Variants in GPR4 observed in about 807,000 individuals in gnomAD.
GPR4 encodes G-prodeshotein coupled receptor 4.
GPR4 carries 11 observed loss-of-function variants against 17.8 expected under a neutral mutation model. That is an observed-to-expected ratio of 0.62 (90% CI 0.39 to 1.02). GPR4 has a LOEUF of 1.02. Among genes scored for constraint, GPR4 ranks in the 50% least tolerant of loss-of-function variants. The pLI is 0.00. For missense variants in GPR4, 364 were observed against 495.4 expected (o/e 0.73, Z 2.52); for synonymous variants, 219 against 222.8 (o/e 0.98, Z 0.15).
chr19:45,600,078 C>T (rs550923293), intron 1 of GPR4, among the ~76,000 whole-genome samples: 2 of 152,146 alleles, frequency 1.3e-5, no homozygotes, highest in Non-Finnish European at 2.9e-5. Flanking sequence ...ATTCCAGCAG[C>T]CTGATTTCTA....
In GPR4 at chr19:45,591,108, G is replaced by A. The variant is rs1600017195; in HGVS notation, c.759C>T (p.Gly253=). 4 of 1,613,692 alleles carry A rather than the reference G, an allele frequency of 2.5e-6. No individual in the cohort carries two copies. In the Admixed American group the frequency reaches 5.0e-5, roughly 20 times the overall value. ...LLLSRSAIYL[G]RPWDCGFEER... ...CCTCGAAGCCGCAGTCCCAGGGGCG[G>A]CCCAGGTAGATGGCGCTGCGGGACA... Residue 253 remains glycine (G), a synonymous_variant, in exon 2 of 2, where the codon GGC becomes GGT. Coordinates refer to ENST00000323040, the MANE Select transcript of GPR4 (RefSeq NM_005282.3). This position sits in a 1 kb window ranked among gnomAD's most constrained non-coding sequence, Gnocchi z 7.6.
chr19:45,591,176 C>T lies in GPR4; in HGVS notation c.691G>A (p.Ala231Thr). 1 of 1,613,510 alleles carries T rather than the reference C, an allele frequency of 6.2e-7. No individual in the cohort carries two copies. Among genetic ancestry groups the T allele is most frequent in the Admixed American group, 1.7e-5 (1 of 60,026 alleles). Residue 231 changes from alanine (A) to threonine (T), a missense_variant, in exon 2 of 2, where the codon GCC becomes ACC. By Grantham distance (58) the Ala-to-Thr change is moderately conservative. This residue lies in a region of GPR4 where 271 missense variants were observed against 373.1 expected (regional missense o/e 0.73). Transcript: ENST00000323040. The surrounding 1 kb of genome is among the most constrained non-coding windows in gnomAD (Gnocchi z 7.6). The stretch of plus-strand genomic sequence containing the variant: ...GGCGCAAAGCAGACCAGCACGATGG[C>T]GATGAGGCTGAGGGCCAGCCGCTTG... ...KIKRLALSLI[A>T]IVLVCFAPYH...
At chr19:45,596,872 C>T (rs1007545429) in intron 1 of GPR4, among the ~76,000 whole-genome samples, 4 of 152,014 alleles carry the variant, frequency 2.6e-5, no homozygotes, top group African/African-American at 7.3e-5. Context: ...CTGCTTGAAA[C>T]CCTCCAATGG....
chr19:45,590,683 C>A lies in GPR4; in HGVS notation c.*95G>T. ...TCTTGTATTCTTATGAATATTAACA[C>A]AGCCCTTTTTCCATACAATTTGCAT... On this transcript the variant is annotated 3_prime_UTR_variant, in exon 2 of 2. Coordinates refer to ENST00000323040, the MANE Select transcript of GPR4 (RefSeq NM_005282.3). 7.0e-7 allele frequency: 1 copy of A among 1,418,778 alleles called. No individual in the cohort carries two copies. Among genetic ancestry groups the A allele is most frequent in the Non-Finnish European group, 9.5e-7 (1 of 1,047,510 alleles). The allele number at this position is 1,418,778 out of a possible 1,614,324, so 87.9% of individuals were successfully genotyped here.
rs1364022089 is a variant in GPR4, at chr19:45,590,771, T to C, written c.*7A>G. Reference sequence around the variant, plus strand: ...GGGAAAACTGGGGATTCTGTGCCACTCGGGGTTCATTGTGCTGGCGGCAGC... The same window carrying C: ...GGGAAAACTGGGGATTCTGTGCCACCCGGGGTTCATTGTGCTGGCGGCAGC... On this transcript the variant is annotated 3_prime_UTR_variant, in exon 2 of 2. Coordinates refer to ENST00000323040, the MANE Select transcript of GPR4 (RefSeq NM_005282.3). 1.3e-6 allele frequency: 2 copies of C among 1,555,226 alleles called. No homozygotes were observed. The highest frequency in any genetic ancestry group is 2.7e-5 in the African/African-American group (2 of 73,350).
At position 45,591,912 on chromosome 19, in the gene GPR4, C is replaced by T. The variant is rs1600018640; in HGVS notation, c.-46G>A. On this transcript the variant is annotated 5_prime_UTR_variant, in exon 2 of 2. Coordinates refer to ENST00000323040, the MANE Select transcript of GPR4 (RefSeq NM_005282.3). The surrounding 1 kb of genome is among the most constrained non-coding windows in gnomAD (Gnocchi z 7.6). ...GGGCGCTTCCCCTGGCCCACGGGGGCTGTGGGGCCACAGGGAGCGGGAGGC... is the reference window on the plus strand; with the variant it reads ...GGGCGCTTCCCCTGGCCCACGGGGGTTGTGGGGCCACAGGGAGCGGGAGGC... 6.6e-7 allele frequency: 1 copy of T among 1,522,284 alleles called. No individual in the cohort carries two copies. Among genetic ancestry groups the T allele is most frequent in the East Asian group, 2.3e-5 (1 of 43,846 alleles). 94.3% of individuals were successfully genotyped at this position (1,522,284 alleles called of 1,614,324 possible).
rs1239976098 is a variant in GPR4 at position 45,591,107 on chromosome 19, G to A, written c.760C>T (p.Arg254Cys). The change falls in exon 2 of 2, where the codon CGC becomes TGC. Residue 254 changes from arginine to cysteine, a missense_variant. This residue lies in a region of GPR4 where 271 missense variants were observed against 373.1 expected (regional missense o/e 0.73). Transcript: ENST00000323040. This position sits in a 1 kb window ranked among gnomAD's most constrained non-coding sequence, Gnocchi z 7.6. ...LLSRSAIYLG[R>C]PWDCGFEERV... The stretch of plus-strand genomic sequence containing the variant: ...TCCTCGAAGCCGCAGTCCCAGGGGC[G>A]GCCCAGGTAGATGGCGCTGCGGGAC... 1.2e-6 allele frequency: 2 copies of A among 1,613,678 alleles called. No individual in the cohort carries two copies. Among genetic ancestry groups the A allele is most frequent in the East Asian group, 4.5e-5 (2 of 44,896 alleles).
chr19:45,598,518 T>C (rs970570255), intron 1 of GPR4, among the ~76,000 whole-genome samples: 1 of 151,716 alleles, frequency 6.6e-6, no homozygotes, highest in African/African-American at 2.4e-5. Context: ...CTCCCACCCC[T>C]CCTCCCCAAC....
Position 45,591,194 on chromosome 19 carries a change from G to A in GPR4, c.673C>T (p.Leu225=), listed in dbSNP as rs1969989729. ...ERQEKAKIKR[L]ALSLIAIVLV... ...ACGATGGCGATGAGGCTGAGGGCCAGCCGCTTGATCTTGGCCTTCTCCTGG... is the reference window on the plus strand; with the variant it reads ...ACGATGGCGATGAGGCTGAGGGCCAACCGCTTGATCTTGGCCTTCTCCTGG... The change falls in exon 2 of 2, where the codon CTG becomes TTG. Residue 225 remains leucine (L), a synonymous_variant. Coordinates refer to ENST00000323040, the MANE Select transcript of GPR4 (RefSeq NM_005282.3). This position sits in a 1 kb window ranked among gnomAD's most constrained non-coding sequence, Gnocchi z 7.6. The A allele has an allele frequency of 1.2e-6, 2 of 1,613,468 alleles. No individual in the cohort carries two copies. Among genetic ancestry groups the A allele is most frequent in the South Asian group, 2.2e-5 (2 of 91,084 alleles).
chr19:45,594,739 T>C (rs1302452417), intron 1 of GPR4, among the ~76,000 whole-genome samples: 1 of 143,922 alleles, frequency 6.9e-6, no homozygotes, highest in Non-Finnish European at 1.5e-5. Context: ...TCCCAGCACT[T>C]TGGGAGGCCA....
At chr19:45,600,226 G>A (rs912630543) in intron 1 of GPR4, among the ~76,000 whole-genome samples, 8 of 152,106 alleles carry the variant, frequency 5.3e-5, no homozygotes, top group Non-Finnish European at 7.4e-5. Context: ...CTACCCTTTC[G>A]CTAGTGGGCC....
Position 45,591,677 on chromosome 19 carries a change from G to C in GPR4, c.190C>G (p.Leu64Val). The C allele has an allele frequency of 4.3e-6, 7 of 1,613,990 alleles. No homozygotes were observed. Among genetic ancestry groups the C allele is most frequent in the Non-Finnish European group, 5.9e-6 (7 of 1,179,848 alleles). ...AGCGGCAGCGTGCAGATGTACAGCA[G>C]GTCGGCGATGCTGAGGTTCATCAGG... is the stretch of plus-strand genomic sequence containing the variant. ...VYLMNLSIAD[L>V]LYICTLPLWV... The change falls in exon 2 of 2, where the codon CTG becomes GTG. Residue 64 changes from leucine to valine, a missense_variant. Physicochemically the swap from Leu to Val is conservative, Grantham distance 32 (BLOSUM62 1). Around this residue, in one of 3 missense-constraint regions of GPR4, gnomAD observed 271 missense variants for 373.1 expected, o/e 0.73. Transcript: ENST00000323040. The surrounding 1 kb of genome is among the most constrained non-coding windows in gnomAD (Gnocchi z 7.6).
Position 45,591,490 on chromosome 19 carries a change from G to C in GPR4, c.377C>G (p.Ala126Gly), listed in dbSNP as rs1387169016. Residue 126 changes from alanine (A) to glycine (G), a missense_variant, in exon 2 of 2, where the codon GCC becomes GGC. Physicochemically the swap from Ala to Gly is moderately conservative, Grantham distance 60. Around this residue, in one of 3 missense-constraint regions of GPR4, gnomAD observed 271 missense variants for 373.1 expected, o/e 0.73. Transcript: ENST00000323040. The surrounding 1 kb of genome is among the most constrained non-coding windows in gnomAD (Gnocchi z 7.6). Reference protein sequence around the residue: ...YLAVAHPLRFARLRRVKTAVA... With the variant: ...YLAVAHPLRFGRLRRVKTAVA... ...GGCGGTCTTGACGCGGCGCAGGCGG[G>C]CGAAGCGGAGTGGGTGGGCCACAGC... The C allele has an allele frequency of 6.2e-7, 1 of 1,610,844 alleles. No individual in the cohort carries two copies. The highest frequency in any genetic ancestry group is 8.5e-7 in the Non-Finnish European group (1 of 1,178,620).
chr19:45,598,806 G>C (rs543089610), intron 1 of GPR4, among the ~76,000 whole-genome samples: 48 of 152,288 alleles, frequency 3.2e-4, no homozygotes, highest in African/African-American at 1.1e-3. Flanking sequence ...ACCTCCTGTC[G>C]CTGTTAACTA....
rs1045717902 is a variant in GPR4, at chr19:45,598,841, T to A, written c.-832+3254A>T. On this transcript the variant is annotated intron_variant, in intron 1 of 1. Coordinates refer to ENST00000323040, the MANE Select transcript of GPR4 (RefSeq NM_005282.3). ...AAACAGCTTCCCTTCCCCTGAGGTT[T>A]TTCTCTTCACTCTCTGAACTTCTGT... Among the ~76,000 whole-genome samples the A allele has an allele frequency of 2.0e-5, 3 of 152,146 alleles. No individual in the cohort carries two copies. In the South Asian group the frequency reaches 6.2e-4, roughly 32 times the overall value.
At chr19:45,601,914 T>G in intron 1 of GPR4, among the ~76,000 whole-genome samples, 181 bp downstream of exon 1, 1 of 150,848 alleles carries the variant, frequency 6.6e-6, no homozygotes. Flanking sequence ...CACAGAGACA[T>G]CAGGCGGGAG....
At position 45,597,259 on chromosome 19, in the gene GPR4, G is replaced by C. The variant is rs149877205; in HGVS notation, c.-831-4562C>G. Among the ~76,000 whole-genome samples, 347 of 152,152 alleles carry C rather than the reference G, an allele frequency of 2.3e-3. 3 individuals are homozygous for C. Among genetic ancestry groups the C allele is most frequent in the Admixed American group, 7.2e-3 (110 of 15,278 alleles). The stretch of plus-strand genomic sequence containing the variant: ...AATTTTTGTATTTTTAGTAGAGATG[G>C]GGTTTTACCATGTTGGCCAGGTTGG... On this transcript the variant is annotated intron_variant, in intron 1 of 1. Transcript: ENST00000323040.
intron 1 of GPR4, among the ~76,000 whole-genome samples, chr19:45,600,259 C>T (rs1970099528): frequency 6.6e-6 from 1 of 152,294 alleles, no homozygotes; most frequent in Non-Finnish European, 1.5e-5. Flanking sequence ...TCCCCGCTCA[C>T]ACCAGCTGAG....
chr19:45,597,659 C>A (rs562543600), intron 1 of GPR4, among the ~76,000 whole-genome samples: 2 of 152,280 alleles, frequency 1.3e-5, no homozygotes, highest in South Asian at 4.1e-4. Flanking sequence ...ATTCCAGAAG[C>A]TTTGCAGAGG....
Sources: gnomAD v4.1 joint callset for allele counts (sites outside exome capture counted in the v4.1 genomes callset) on GRCh38, gnomAD v4.1.1 for gene constraint, gnomAD v4.1.1 regional missense constraint, Gnocchi (gnomAD v3.1) non-coding constraint, MANE v1.5 for transcripts, NCBI Gene and HGNC (gene_info 2026-07-23, HGNC 2026-07-21) for gene names.